Variants in NBR1 observed in about 807,000 individuals in gnomAD.
NBR1 encodes the protein NBR1 autophagy cargo receptor, also known as next to BRCA1 gene 1 protein.
A neutral mutation model predicts 115.5 loss-of-function variants in NBR1; 59 were observed. That is an observed-to-expected ratio of 0.51 (90% confidence interval 0.41 to 0.63). NBR1 has a LOEUF of 0.63. Ranked by LOEUF, NBR1 falls within the 30% of genes least tolerant of loss-of-function variation. The pLI, the probability that NBR1 is intolerant of heterozygous loss-of-function variation, is 0.00. For synonymous variants in NBR1, 373 were observed against 414.7 expected (o/e 0.90, Z 1.22); for missense variants, 1,043 against 1,150.5 (o/e 0.91, Z 1.35).
chr17:43,201,105 G>T (rs1466368775), intron 17 of NBR1, among the ~76,000 whole-genome samples: 1 of 152,120 alleles, frequency 6.6e-6, no homozygotes, highest in Admixed American at 6.5e-5. Flanking sequence ...CTGGCCTTAA[G>T]CGATCCAACT....
chr17:43,188,809 G>T (rs1324482572), intron 6 of NBR1, among the ~76,000 whole-genome samples: 1 of 152,066 alleles, frequency 6.6e-6, no homozygotes, highest in Non-Finnish European at 1.5e-5. Context: ...TCAGAGATTT[G>T]GGAATTAGTG....
At chr17:43,179,515 A>C (rs760297818) in intron 4 of NBR1, 103 bp downstream of exon 4, 13 of 1,131,428 alleles carry the variant, frequency 1.1e-5, no homozygotes, top group Non-Finnish European at 1.7e-5. Context: ...TTAATTTTAG[A>C]GTGACATTGC....
At chr17:43,189,494 C>T in intron 7 of NBR1, 94 bp from the exon 8 acceptor site, 2 of 837,272 alleles carry the variant, frequency 2.4e-6, no homozygotes. Context: ...TGTATTATAC[C>T]AGAGACAGTT....
In NBR1 at chr17:43,175,974, A is replaced by G. The variant is rs766977689; in HGVS notation, c.102+73A>G. On this transcript the variant is annotated intron_variant, in intron 2 of 20. Coordinates refer to ENST00000590996, the MANE Select transcript of NBR1 (RefSeq NM_005899.5). ...TTTTCCAAAGGTAGCTATTTTTAGC[A>G]GTGTTGTTTCATAGCTGTGAAGTCT... 4 of 890,188 alleles carry G rather than the reference A, an allele frequency of 4.5e-6. No individual in the cohort carries two copies. The Admixed American group carries it at 6.8e-5, about 15-fold the overall frequency. 55.1% of individuals were successfully genotyped at this position (890,188 alleles called of 1,614,324 possible). A position where few individuals can be genotyped will look rare whatever the true frequency, so the allele number is the denominator to read the frequency against.
chr17:43,182,372 C>A (rs561474907), intron 5 of NBR1, among the ~76,000 whole-genome samples: 1 of 151,530 alleles, frequency 6.6e-6, no homozygotes, highest in Non-Finnish European at 1.5e-5. Flanking sequence ...TGTGCGCCAC[C>A]ACACCCAGCT....
chr17:43,203,555 G>A, intron 19 of NBR1, 126 bp from the exon 20 acceptor site: 1 of 599,232 alleles, frequency 1.7e-6, no homozygotes, highest in Non-Finnish European at 3.0e-6. Flanking sequence ...AAGCAATTGT[G>A]TTCTCTTTTT....
chr17:43,179,363 T>C (rs778385096), intron 3 of NBR1, 31 bp from the exon 4 acceptor site: 29 of 1,606,970 alleles, frequency 1.8e-5, no homozygotes, highest in South Asian at 3.3e-5. Context: ...GAGACACTTA[T>C]AATTCACTGT....
intron 5 of NBR1, 81 bp downstream of exon 5, chr17:43,180,898 G>T (rs141231328): frequency 0.011 from 13,613 of 1,205,526 alleles, 107 homozygotes; most frequent in Non-Finnish European, 0.013. Context: ...TTGAGATGAG[G>T]TTGTGCTCTG....
chr17:43,188,823 T>C (rs1440378634), intron 6 of NBR1, among the ~76,000 whole-genome samples: 1 of 152,174 alleles, frequency 6.6e-6, no homozygotes, highest in Non-Finnish European at 1.5e-5. Context: ...ATTAGTGTGC[T>C]CCTCTCTCTG....
Position 43,203,712 on chromosome 17 carries a change from CT to C in NBR1, c.2654del (p.Leu885ArgfsTer2), listed in dbSNP as rs1567867295. On this transcript the variant is annotated frameshift_variant, in exon 20 of 21. Coordinates refer to ENST00000590996, the MANE Select transcript of NBR1 (RefSeq NM_005899.5). LOFTEE classifies it high-confidence loss of function. ...TCATGGGAGCAGCATTGCTGGAGGA[CT>C]GGTGAAGGGGGCTTTGTCTGTTGCT... ...HHHGSSIAGG[L>X]VKGALSVAAS... 1.2e-6 allele frequency: 2 copies of C among 1,610,368 alleles called. No homozygotes were observed. The highest frequency in any genetic ancestry group is 1.7e-5 in the Admixed American group (1 of 59,612).
chr17:43,209,201 C>T (rs551823429), intron 20 of NBR1, among the ~76,000 whole-genome samples: 171 of 152,020 alleles, frequency 1.1e-3, no homozygotes, highest in African/African-American at 3.9e-3. Flanking sequence ...CTCAGCCTCC[C>T]GAGTAGCTGG....
In NBR1 at chr17:43,197,470, G is replaced by C. The variant is rs1189777808; in HGVS notation, c.2026+364G>C. Among the ~76,000 whole-genome samples, 3 of 151,258 alleles carry C rather than the reference G, an allele frequency of 2.0e-5. No homozygotes were observed. The East Asian group carries it at 5.8e-4, about 29-fold the overall frequency. On this transcript the variant is annotated intron_variant, in intron 16 of 20. Coordinates refer to ENST00000590996, the MANE Select transcript of NBR1 (RefSeq NM_005899.5). ...GGAGGCGGAGCTTGCAGTGAGCCAA[G>C]ATTGCGCCACTGCACTCTAGCCTGG... is the stretch of plus-strand genomic sequence containing the variant.
At chr17:43,191,324 G>C in intron 9 of NBR1, 48 bp from the exon 10 acceptor site, 1 of 1,415,746 alleles carries the variant, frequency 7.1e-7, no homozygotes, top group Non-Finnish European at 9.8e-7. Flanking sequence ...CATAGCTTCA[G>C]AATTTATTTG....
intron 7 of NBR1, 56 bp from the exon 8 acceptor site, chr17:43,189,532 A>AT (rs2056893647): frequency 1.5e-6 from 2 of 1,300,278 alleles, no homozygotes; most frequent in African/African-American, 1.5e-5. Flanking sequence ...ATATCTTCAC[A>AT]TTTTTTTCTG....
intron 2 of NBR1, 98 bp from the exon 3 acceptor site, chr17:43,177,838 A>G (rs575824825): frequency 1.8e-6 from 2 of 1,089,440 alleles, no homozygotes; most frequent in East Asian, 2.9e-5. Context: ...ATGGGTTATT[A>G]AGGTTGTTTG....
At position 43,185,538 on chromosome 17, in the gene NBR1, C is replaced by T. The variant is rs116621052; in HGVS notation, c.208-712C>T. ...ACACAGTGAGACTCCTGTCTCCAAACTAAAACAAAAACCTTAGCCAGGTGT... is the reference window on the plus strand; with the variant it reads ...ACACAGTGAGACTCCTGTCTCCAAATTAAAACAAAAACCTTAGCCAGGTGT... On this transcript the variant is annotated intron_variant, in intron 5 of 20. Transcript: ENST00000590996. Among the ~76,000 whole-genome samples, 1,352 of 151,924 alleles carry T rather than the reference C, an allele frequency of 8.9e-3. 19 individuals carry two copies. Among genetic ancestry groups the T allele is most frequent in the African/African-American group, 0.031 (1,278 of 41,418 alleles).
At position 43,186,254 on chromosome 17, in the gene NBR1, C is replaced by A; in HGVS notation, c.212C>A (p.Ala71Glu). 2 of 1,567,966 alleles carry A rather than the reference C, an allele frequency of 1.3e-6. No homozygotes were observed. Among genetic ancestry groups the A allele is most frequent in the Non-Finnish European group, 1.7e-6 (2 of 1,156,858 alleles). ...QGEYEEALKM[A>E]VKQGNQLQMQ... is the part of the protein sequence containing the mutation. ...TTTCATAATGTATGCTCTTAGATGG[C>A]AGTTAAACAGGGAAACCAACTGCAG... Residue 71 changes from alanine to glutamate, a missense_variant, in exon 6 of 21, where the codon GCA becomes GAA. Transcript: ENST00000590996.
rs574209241 is a variant in NBR1 at position 43,193,701 on chromosome 17, A to G, written c.1524+63A>G. Reference sequence around the variant, plus strand: ...ATCTTAGTTAGAGAGGAGATGGCTAAAACTAAAAGAACCCACTCATAGCTG... The same window carrying G: ...ATCTTAGTTAGAGAGGAGATGGCTAGAACTAAAAGAACCCACTCATAGCTG... On this transcript the variant is annotated intron_variant, in intron 12 of 20. Transcript: ENST00000590996. 518 of 1,498,504 alleles carry G rather than the reference A, an allele frequency of 3.5e-4. 8 individuals are homozygous for G. The Middle Eastern group carries it at 0.018, about 53-fold the overall frequency. 92.8% of individuals were successfully genotyped at this position (1,498,504 alleles called of 1,614,324 possible). A position where few individuals can be genotyped will look rare whatever the true frequency, so the allele number is the denominator to read the frequency against.
chr17:43,200,201 T>A lies in NBR1; in HGVS notation c.2061T>A (p.Asn687Lys), dbSNP rs2057162708. Residue 687 changes from asparagine to lysine, a missense_variant, in exon 17 of 21, where the codon AAT becomes AAA. Transcript: ENST00000590996. ...CCTTGCCTGAAGGACCACTTGGAAA[T>A]GAGAAGGAGGAGATTATCCATATCG... ...TFALPEGPLG[N>K]EKEEIIHIAE... is the part of the protein sequence containing the mutation. 6.5e-7 allele frequency: 1 copy of A among 1,549,878 alleles called. No individual in the cohort carries two copies. The highest frequency in any genetic ancestry group is 2.4e-5 in the East Asian group (1 of 40,870).
Sources: gnomAD v4.1 joint callset for allele counts (sites outside exome capture counted in the v4.1 genomes callset) on GRCh38, gnomAD v4.1.1 for gene constraint, MANE v1.5 for transcripts, NCBI Gene and HGNC (gene_info 2026-07-23, HGNC 2026-07-21) for gene names.